Variants in FLNA observed in about 807,000 individuals in gnomAD.
The protein encoded by FLNA is filamin-A.
FLNA carries 7 observed loss-of-function variants against 157.6 expected under a neutral mutation model. That is an observed-to-expected ratio of 0.04 (90% CI 0.03 to 0.08). The LOEUF (loss-of-function observed/expected upper bound fraction) is 0.08, where lower values mean the gene tolerates loss of function less well. Among genes scored for constraint, FLNA ranks in the 10% least tolerant of loss-of-function variants. FLNA has a pLI of 1.00. For synonymous variants in FLNA, 1,103 were observed against 1,060.8 expected (o/e 1.04, Z -0.77); for missense variants, 1,750 against 2,398.4 (o/e 0.73, Z 5.65).
Position 154,352,779 on chromosome X carries a change from G to T in FLNA, c.6372C>A (p.His2124Gln), listed in dbSNP as rs781999359. Residue 2124 changes from histidine to glutamine, a missense_variant, in exon 39 of 48, where the codon CAC (histidine) becomes CAA (glutamine). Coordinates refer to ENST00000369850, the MANE Select transcript of FLNA (RefSeq NM_001110556.2). ...AGGCACTGCTGCACTCACCAGGCAC[G>T]TGCTGGTCGGCAAACTTGATGTTGA... is the stretch of plus-strand genomic sequence containing the variant. ...YIINIKFADQ[H>Q]VPGSPFSVKV... The T allele has an allele frequency of 1.7e-5, 20 of 1,212,067 alleles. No individual in the cohort carries two copies. Among genetic ancestry groups the T allele is most frequent in the Non-Finnish European group, 2.2e-5 (20 of 895,548 alleles).
intron 30 of FLNA, 63 bp downstream of exon 30, chrX:154,357,188 A>G (rs1393103818): frequency 5.8e-5 from 63 of 1,092,045 alleles, no homozygotes; most frequent in Non-Finnish European, 7.6e-5. Flanking sequence ...CGGCCCCAAG[A>G]GGAAAGGAAG....
chrX:154,352,494 C>T, intron 40 of FLNA, 47 bp from the exon 41 acceptor site: 1 of 1,211,504 alleles, frequency 8.3e-7, no homozygotes, highest in Non-Finnish European at 1.1e-6. Context: ...GGGCTCCACC[C>T]CTCCTCTTGG....
Position 154,349,807 on chromosome X carries a change from G to T in FLNA, c.7394C>A (p.Thr2465Asn). The change falls in exon 46 of 48, where the codon ACC (threonine) becomes AAC (asparagine). Residue 2465 changes from threonine (T) to asparagine (N), a missense_variant. By Grantham distance (65) the Thr-to-Asn change is moderately conservative (BLOSUM62 0). Around this residue, in one of 5 missense-constraint regions of FLNA, gnomAD observed 970 missense variants for 1,302.6 expected, o/e 0.74. Coordinates refer to ENST00000369850, the MANE Select transcript of FLNA (RefSeq NM_001110556.2). Reference protein sequence around the residue: ...SNAGAGALSVTIDGPSKVKMD... With the variant: ...SNAGAGALSVNIDGPSKVKMD... ...CTTCACCTTGGAGGGGCCGTCAATG[G>T]TCACCGACAGGGCACCAGCTCCCGC... 1 of 1,211,515 alleles carries T rather than the reference G, an allele frequency of 8.3e-7. No individual in the cohort carries two copies. Among genetic ancestry groups the T allele is most frequent in the Non-Finnish European group, 1.1e-6 (1 of 895,390 alleles).
At chrX:154,356,002 CCTG>C (rs2067659821) in intron 30 of FLNA, among the ~76,000 whole-genome samples, 1 of 112,507 alleles carries the variant, frequency 8.9e-6, no homozygotes, top group African/African-American at 3.2e-5. Flanking sequence ...GCCGAGGGCT[CCTG>C]CTGCACTAGG....
Position 154,366,781 on chromosome X carries a change from T to C in FLNA, c.938A>G (p.Gln313Arg). ...CTCCACGTACACCAGCACCTCTCCCTGGCCAGCACTTCTGGTCTCCACAGT... is the reference window on the plus strand; with the variant it reads ...CTCCACGTACACCAGCACCTCTCCCCGGCCAGCACTTCTGGTCTCCACAGT... The part of the protein sequence containing the change: ...EFTVETRSAG[Q>R]GEVLVYVEDP... The change falls in exon 6 of 48, where the codon CAG becomes CGG. Residue 313 changes from glutamine (Q) to arginine (R), a missense_variant. Around this residue, in one of 5 missense-constraint regions of FLNA, gnomAD observed 648 missense variants for 805.8 expected, o/e 0.80. Transcript: ENST00000369850. The C allele has an allele frequency of 8.3e-7, 1 of 1,211,756 alleles. No homozygotes were observed. Among genetic ancestry groups the C allele is most frequent in the Non-Finnish European group, 1.1e-6 (1 of 895,334 alleles).
At chrX:154,355,195 A>T in intron 30 of FLNA, 123 bp from the exon 31 acceptor site, 1 of 755,993 alleles carries the variant, frequency 1.3e-6, no homozygotes, top group Non-Finnish European at 1.9e-6. Flanking sequence ...CCAGGCCGCC[A>T]GGCCTCCTGC....
chrX:154,368,199 G>A (rs1393554981), intron 2 of FLNA, 109 bp from the exon 3 acceptor site: 2 of 1,058,115 alleles, frequency 1.9e-6, no homozygotes, highest in East Asian at 3.0e-5. Flanking sequence ...CCAAGGAGGA[G>A]GTAGACACCC....
chrX:154,349,690 G>C lies in FLNA; in HGVS notation c.7511C>G (p.Pro2504Arg). 1 of 1,211,799 alleles carries C rather than the reference G, an allele frequency of 8.3e-7. No individual in the cohort carries two copies. The change falls in exon 46 of 48, where the codon CCC becomes CGC. Residue 2504 changes from proline to arginine, a missense_variant. Physicochemically the swap from Pro to Arg is moderately radical, Grantham distance 103. This residue lies in a region of FLNA where 970 missense variants were observed against 1,302.6 expected (regional missense o/e 0.74). Coordinates refer to ENST00000369850, the MANE Select transcript of FLNA (RefSeq NM_001110556.2). ...SYLISIKYGG[P>R]YHIGGSPFKA... is the part of the protein sequence containing the mutation. ...GAAGGGGCTGCCCCCAATGTGGTAG[G>C]GGCCGCCGTACTTGATGGAGATGAG...
Position 154,366,818 on chromosome X carries a change from G to A in FLNA, c.901C>T (p.Arg301Trp), listed in dbSNP as rs192609440. The A allele has an allele frequency of 2.7e-4, 329 of 1,210,007 alleles. No homozygotes were observed. Among genetic ancestry groups the A allele is most frequent in the Non-Finnish European group, 3.5e-4 (312 of 894,779 alleles). ...IEPTGNMVKK[R>W]AEFTVETRSA... is the part of the protein sequence containing the mutation. ...CTGGTCTCCACAGTGAACTCTGCCCGCTTCTTCACCATGTTGCCTGTGGGC... is the reference window on the plus strand; with the variant it reads ...CTGGTCTCCACAGTGAACTCTGCCCACTTCTTCACCATGTTGCCTGTGGGC... Residue 301 changes from arginine (R) to tryptophan (W), a missense_variant, in exon 6 of 48, where the codon CGG becomes TGG. Transcript: ENST00000369850.
intron 26 of FLNA, 196 bp from the exon 27 acceptor site, chrX:154,358,764 T>C: frequency 1.7e-6 from 1 of 595,885 alleles, no homozygotes; most frequent in East Asian, 3.5e-5. Context: ...CTTGCCTGCC[T>C]GCCTTCCTGC....
Position 154,365,222 on chromosome X carries a change from A to G in FLNA, c.1605T>C (p.Asp535=), listed in dbSNP as rs781900824. The change falls in exon 11 of 48, where the codon GAT becomes GAC. Residue 535 remains aspartate (D), a synonymous_variant. Coordinates refer to ENST00000369850, the MANE Select transcript of FLNA (RefSeq NM_001110556.2). ...EERVKQKDLG[D]GVYGFEYYPM... The stretch of plus-strand genomic sequence containing the variant: ...GGTAATACTCGAAGCCATACACGCC[A>G]TCCCCCAGGTCCTTCTGCTTCACGC... The G allele has an allele frequency of 1.7e-6, 2 of 1,211,663 alleles. No homozygotes were observed. Among genetic ancestry groups the G allele is most frequent in the South Asian group, 3.5e-5 (2 of 57,044 alleles).
chrX:154,359,030 G>A lies in FLNA; in HGVS notation c.4428C>T (p.Ser1476=), dbSNP rs782006549. The part of the protein sequence containing the change: ...NLPQSFQVDT[S]KAGVAPLQVK... Reference sequence around the variant, plus strand: ...CCTGCAATGGGGCCACACCAGCCTTGCTTGTGTCCACCTGGAAGGACTGAG... The same window carrying A: ...CCTGCAATGGGGCCACACCAGCCTTACTTGTGTCCACCTGGAAGGACTGAG... The change falls in exon 26 of 48, where the codon AGC becomes AGT. Residue 1476 remains serine, a synonymous_variant. Coordinates refer to ENST00000369850, the MANE Select transcript of FLNA (RefSeq NM_001110556.2). 1 of 1,209,999 alleles carries A rather than the reference G, an allele frequency of 8.3e-7. No homozygotes were observed. The highest frequency in any genetic ancestry group is 3.0e-5 in the East Asian group (1 of 33,790).
intron 28 of FLNA, among the ~76,000 whole-genome samples, chrX:154,357,983 G>A (rs983408828): frequency 8.9e-6 from 1 of 112,443 alleles, no homozygotes; most frequent in African/African-American, 3.2e-5. Flanking sequence ...CTTTGGTGAC[G>A]TGCTCAAAGT....
In FLNA at chrX:154,366,010, A is replaced by T; in HGVS notation, c.1429+14T>A. 1 of 1,188,913 alleles carries T rather than the reference A, an allele frequency of 8.4e-7. No individual in the cohort carries two copies. The highest frequency in any genetic ancestry group is 1.1e-6 in the Non-Finnish European group (1 of 881,245). ...TGCAGTGCCACAGCAGAGGGCAGTC[A>T]GGGCCGGGCCTACCTTGGCCAACAG... is the stretch of plus-strand genomic sequence containing the variant. On this transcript the variant is annotated intron_variant, in intron 9 of 47. Coordinates refer to ENST00000369850, the MANE Select transcript of FLNA (RefSeq NM_001110556.2).
chrX:154,372,206 G>A (rs1287567202), intron 1 of FLNA, among the ~76,000 whole-genome samples: 1 of 113,397 alleles, frequency 8.8e-6, no homozygotes, highest in African/African-American at 3.2e-5. Flanking sequence ...GGCAGAGGGC[G>A]CCGTGCGATG....
chrX:154,361,920 C>T, intron 19 of FLNA, 59 bp downstream of exon 19: 2 of 1,169,574 alleles, frequency 1.7e-6, no homozygotes, highest in Non-Finnish European at 2.3e-6. Flanking sequence ...GGAGCTGTCC[C>T]CTAGGCTGCT....
At position 154,363,518 on chromosome X, in the gene FLNA, T is replaced by G. The variant is rs150914320; in HGVS notation, c.2280+504A>C. Reference sequence around the variant, plus strand: ...TCACAAGGTCAGGAGATCGACACCATCCTGGCTAACACAGTGAAACCTTGT... The same window carrying G: ...TCACAAGGTCAGGAGATCGACACCAGCCTGGCTAACACAGTGAAACCTTGT... On this transcript the variant is annotated intron_variant, in intron 15 of 47. Transcript: ENST00000369850. Among the ~76,000 whole-genome samples the G allele has an allele frequency of 3.6e-3, 397 of 110,014 alleles. 2 individuals are homozygous for G. Among genetic ancestry groups the G allele is most frequent in the Non-Finnish European group, 6.2e-3 (329 of 52,707 alleles).
rs782316013 is a variant in FLNA, at chrX:154,352,620, G to A, written c.6435C>T (p.Thr2145=). 5.8e-6 allele frequency: 7 copies of A among 1,211,707 alleles called. No individual in the cohort carries two copies. Among genetic ancestry groups the A allele is most frequent in the Non-Finnish European group, 7.8e-6 (7 of 895,553 alleles). ...CCACTGAAGGAGCCCGACGCCTGCG[G>A]GTGATGCTCTCTTTCACCCGGCCCT... The part of the protein sequence containing the change: ...TGEGRVKESI[T]RRRRAPSVAN... Residue 2145 remains threonine, a synonymous_variant, in exon 40 of 48, where the codon ACC becomes ACT. Coordinates refer to ENST00000369850, the MANE Select transcript of FLNA (RefSeq NM_001110556.2).
Position 154,362,030 on chromosome X carries a change from G to T in FLNA, c.2775C>A (p.Ile925=). ...TGTAGGTGTTGTCATGGTGGTCGAT[G>T]ATGTCCACATCTCGCACTGCATCCC... The part of the protein sequence containing the change: ...TKGDAVRDVD[I]IDHHDNTYTV... The change falls in exon 19 of 48, where the codon ATC becomes ATA. Residue 925 remains isoleucine, a synonymous_variant. Coordinates refer to ENST00000369850, the MANE Select transcript of FLNA (RefSeq NM_001110556.2). 1 of 1,210,535 alleles carries T rather than the reference G, an allele frequency of 8.3e-7. No individual in the cohort carries two copies. Among genetic ancestry groups the T allele is most frequent in the Non-Finnish European group, 1.1e-6 (1 of 894,681 alleles).
Sources: gnomAD v4.1 joint callset for allele counts (sites outside exome capture counted in the v4.1 genomes callset) on GRCh38, gnomAD v4.1.1 for gene constraint, gnomAD v4.1.1 regional missense constraint, MANE v1.5 for transcripts, NCBI Gene and HGNC (gene_info 2026-07-23, HGNC 2026-07-21) for gene names.